Variants in CENPW observed in about 807,000 individuals in gnomAD.
The protein encoded by CENPW is cancer-up-regulated gene 2 protein.
CENPW carries 3 observed loss-of-function variants against 11.1 expected under a neutral mutation model. That is an observed-to-expected ratio of 0.27 (90% CI 0.12 to 0.70). The LOEUF is 0.70. Among genes scored for constraint, CENPW ranks in the 30% least tolerant of loss-of-function variants. The pLI is 0.77. For missense variants in CENPW, 100 were observed against 105.6 expected (o/e 0.95, Z 0.23); for synonymous variants, 38 against 42.0 (o/e 0.91, Z 0.37).
At chr6:126,401,935 A>G in the CENPW span, among the ~76,000 whole-genome samples, 1 of 151,972 alleles carries the variant, frequency 6.6e-6, no homozygotes, top group Admixed American at 6.6e-5. Context: ...TATCTTAATT[A>G]TTCTTAGCAT....
the CENPW span, among the ~76,000 whole-genome samples, chr6:126,381,439 C>G: frequency 1.3e-5 from 2 of 152,160 alleles, no homozygotes; most frequent in Non-Finnish European, 2.9e-5. Context: ...CTCTGTTACT[C>G]ATGATCCAGT....
chr6:126,352,195 T>C (rs1008996259), downstream of CENPW, among the ~76,000 whole-genome samples: 3 of 152,102 alleles, frequency 2.0e-5, no homozygotes, highest in Admixed American at 2.0e-4. Flanking sequence ...CTGTGGCTGT[T>C]TTCTTACTAC....
the CENPW span, among the ~76,000 whole-genome samples, chr6:126,405,703 A>G: frequency 2.0e-5 from 3 of 152,166 alleles, no homozygotes; most frequent in Middle Eastern, 3.4e-3. Context: ...AGTTTTCATT[A>G]TAGAGAATGT....
chr6:126,352,180 C>A (rs1175528478), downstream of CENPW, among the ~76,000 whole-genome samples: 9 of 152,096 alleles, frequency 5.9e-5, no homozygotes, highest in Non-Finnish European at 1.2e-4. Context: ...ACATGTGCTG[C>A]TTATCTGTGG....
the CENPW span, among the ~76,000 whole-genome samples, chr6:126,379,149 A>G: frequency 6.6e-6 from 1 of 152,304 alleles, no homozygotes; most frequent in African/African-American, 2.4e-5. Context: ...CTCAATAAGC[A>G]TAGGTAGAAC....
chr6:126,345,925 C>T (rs140246294), intron 1 of CENPW, among the ~76,000 whole-genome samples: 8 of 152,204 alleles, frequency 5.3e-5, no homozygotes, highest in African/African-American at 1.9e-4. Flanking sequence ...CTAAGCGAAT[C>T]TTACATACGT....
the CENPW span, among the ~76,000 whole-genome samples, chr6:126,463,407 C>G: frequency 2.6e-5 from 4 of 151,788 alleles, no homozygotes; most frequent in Admixed American, 2.0e-4. Flanking sequence ...TTTTTCCCAT[C>G]TTAAGGAAAT....
At chr6:126,398,952 G>T in the CENPW span, among the ~76,000 whole-genome samples, 1 of 151,712 alleles carries the variant, frequency 6.6e-6, no homozygotes, top group Non-Finnish European at 1.5e-5. Flanking sequence ...TAGGATAATG[G>T]CCTCCAGCTG....
the CENPW span, among the ~76,000 whole-genome samples, chr6:126,396,688 G>C: frequency 1.4e-4 from 22 of 152,186 alleles, no homozygotes; most frequent in African/African-American, 4.1e-4. Flanking sequence ...ACATCTGAGA[G>C]TTCCACCCAA....
the CENPW span, among the ~76,000 whole-genome samples, chr6:126,375,352 T>G: frequency 3.9e-5 from 6 of 152,210 alleles, no homozygotes; most frequent in Non-Finnish European, 1.5e-5. Context: ...CATTTGAATG[T>G]TCTGAGCAGG....
At chr6:126,412,211 C>T in the CENPW span, among the ~76,000 whole-genome samples, 209 of 151,422 alleles carry the variant, frequency 1.4e-3, 1 homozygote, top group African/African-American at 4.9e-3. Context: ...TGGTCTTGAA[C>T]TCCAAGGCTC....
the CENPW span, among the ~76,000 whole-genome samples, chr6:126,418,436 G>T: frequency 5.3e-5 from 8 of 152,180 alleles, no homozygotes; most frequent in Admixed American, 5.2e-4. Flanking sequence ...ATACTTTTCT[G>T]CAAAAAGCAA....
At chr6:126,470,575 G>C in the CENPW span, among the ~76,000 whole-genome samples, 1 of 152,210 alleles carries the variant, frequency 6.6e-6, no homozygotes, top group Admixed American at 6.5e-5. Flanking sequence ...TGTGAGAAGA[G>C]AGCCACCATC....
At chr6:126,475,890 AC>A in the CENPW span, among the ~76,000 whole-genome samples, 2 of 152,128 alleles carry the variant, frequency 1.3e-5, no homozygotes, top group South Asian at 4.1e-4. Context: ...GCTAAAAAAG[AC>A]CTTAGAAATT....
the CENPW span, among the ~76,000 whole-genome samples, chr6:126,428,921 GT>G: frequency 6.6e-6 from 1 of 151,912 alleles, no homozygotes; most frequent in Non-Finnish European, 1.5e-5. Flanking sequence ...GTTTTTGTAT[GT>G]ATTCTATTAG....
intron 1 of CENPW, among the ~76,000 whole-genome samples, chr6:126,345,487 A>G (rs1780390382): frequency 6.6e-6 from 1 of 152,102 alleles, no homozygotes; most frequent in South Asian, 2.1e-4. Context: ...AGGTGCAAAA[A>G]TAGTACACGG....
the CENPW span, among the ~76,000 whole-genome samples, chr6:126,372,520 T>C: frequency 6.6e-6 from 1 of 152,166 alleles, no homozygotes; most frequent in Non-Finnish European, 1.5e-5. Context: ...ACTTCTGTAA[T>C]AGGAAATAAA....
At chr6:126,400,575 G>A in the CENPW span, among the ~76,000 whole-genome samples, 2 of 151,882 alleles carry the variant, frequency 1.3e-5, no homozygotes, top group African/African-American at 2.4e-5. Flanking sequence ...GTATGTTGGT[G>A]TCTACAATTA....
chr6:126,457,157 A>T, the CENPW span, among the ~76,000 whole-genome samples: 1 of 151,404 alleles, frequency 6.6e-6, no homozygotes, highest in Non-Finnish European at 1.5e-5. Context: ...ACTGAAAAAA[A>T]AATTGCTATT....
Sources: gnomAD v4.1 joint callset for allele counts (sites outside exome capture counted in the v4.1 genomes callset) on GRCh38, gnomAD v4.1.1 for gene constraint, MANE v1.5 for transcripts, NCBI Gene and HGNC (gene_info 2026-07-23, HGNC 2026-07-21) for gene names.